DNAH11: variants seen among roughly 807,000 people sequenced by gnomAD.
DNAH11 encodes the protein axonemal beta dynein heavy chain 11.
A neutral mutation model predicts 526.0 loss-of-function variants in DNAH11; 442 were observed. The observed-to-expected ratio is 0.84, with a 90% confidence interval of 0.78 to 0.91. The LOEUF (loss-of-function observed/expected upper bound fraction) is 0.91. DNAH11 is among the 40% of genes least tolerant of loss of function. The probability of loss-of-function intolerance (pLI) is 0.00; values close to 1 mark genes in which losing one functional copy is unlikely to be tolerated. For missense variants in DNAH11, 6,989 were observed against 5,448.7 expected, an observed-to-expected ratio of 1.28 and a Z score of -8.90; for synonymous variants, 2,461 against 1,935.9, an observed-to-expected ratio of 1.27 and a Z score of -7.12.
chr7:21,810,742 G>T (rs1789480254), intron 63 of DNAH11, among the ~76,000 whole-genome samples: 1 of 152,096 alleles, frequency 6.6e-6, no homozygotes, highest in African/African-American at 2.4e-5. Flanking sequence ...AGGTTTATAG[G>T]CAGGTAAGCC....
At chr7:21,884,837 A>G (rs185322040) in intron 76 of DNAH11, among the ~76,000 whole-genome samples, 1 of 152,280 alleles carries the variant, frequency 6.6e-6, no homozygotes, top group East Asian at 1.9e-4. Flanking sequence ...TCTATTCCAG[A>G]GTTTATTTCA....
chr7:21,549,492 A>G (rs2128427007), intron 2 of DNAH11, among the ~76,000 whole-genome samples: 1 of 152,268 alleles, frequency 6.6e-6, no homozygotes, highest in African/African-American at 2.4e-5. Context: ...AGTCCCAGGC[A>G]AATGGGGGGG....
chr7:21,712,414 T>C (rs973347563), intron 42 of DNAH11, among the ~76,000 whole-genome samples: 1 of 152,196 alleles, frequency 6.6e-6, no homozygotes, highest in Non-Finnish European at 1.5e-5. Context: ...TTCTAGATCA[T>C]ATGTTAATTC....
chr7:21,625,077 T>G (rs1452357760), intron 25 of DNAH11, among the ~76,000 whole-genome samples: 2 of 115,960 alleles, frequency 1.7e-5, no homozygotes, highest in African/African-American at 3.3e-5. Context: ...TATTTCTCCT[T>G]AAGTTTTTTT....
chr7:21,600,921 C>G lies in DNAH11; in HGVS notation c.3246C>G (p.Phe1082Leu). 6.2e-7 allele frequency: 1 copy of G among 1,613,632 alleles called. No individual in the cohort carries two copies. Residue 1082 changes from phenylalanine (F) to leucine (L), a missense_variant, in exon 16 of 82, where the codon TTC becomes TTG. Transcript: ENST00000409508. ...IPEQPPTLEQ[F>L]KEQIDIYEAL... is the part of the protein sequence containing the mutation. ...AACAACCACCAACTCTTGAGCAATT[C>G]AAAGAACAGGCAAGGAAAACCCTTA...
chr7:21,790,625 T>C (rs28611316), intron 61 of DNAH11, among the ~76,000 whole-genome samples: 21,588 of 152,050 alleles, frequency 0.14, 2,435 homozygotes, highest in African/African-American at 0.31. Context: ...GAGGAAGTTC[T>C]TTAGTGAAGG....
At chr7:21,854,792 C>T (rs1489635820) in intron 68 of DNAH11, among the ~76,000 whole-genome samples, 2 of 152,132 alleles carry the variant, frequency 1.3e-5, no homozygotes, top group East Asian at 3.9e-4. Context: ...ATCTCCCCTC[C>T]TTGGCCTCCC....
Position 21,884,484 on chromosome 7 carries a change from A to G in DNAH11, c.12507+74A>G, listed in dbSNP as rs577576164. Reference sequence around the variant, plus strand: ...ATTCTGGTAAGAATTTTATAAACTAATTATACTATGGGCAATTCTTAATGT... The same window carrying G: ...ATTCTGGTAAGAATTTTATAAACTAGTTATACTATGGGCAATTCTTAATGT... On this transcript the variant is annotated intron_variant, in intron 76 of 81. Transcript: ENST00000409508. 8.5e-6 allele frequency: 12 copies of G among 1,417,186 alleles called. No homozygotes were observed. In the South Asian group the frequency reaches 1.2e-4, roughly 14 times the overall value. The allele number at this position is 1,417,186 out of a possible 1,614,324, so 87.8% of individuals were successfully genotyped here.
intron 36 of DNAH11, among the ~76,000 whole-genome samples, chr7:21,699,360 T>A (rs1783973107): frequency 6.6e-6 from 1 of 152,180 alleles, no homozygotes; most frequent in African/African-American, 2.4e-5. Flanking sequence ...CCACAGAAAT[T>A]ACATATATAT....
rs749371323 is a variant in DNAH11, at chr7:21,570,101, G to T, written c.1227G>T (p.Leu409Phe). The T allele has an allele frequency of 6.2e-7, 1 of 1,611,580 alleles. No homozygotes were observed. The highest frequency in any genetic ancestry group is 1.7e-4 in the Middle Eastern group (1 of 6,058). Residue 409 changes from leucine to phenylalanine, a missense_variant, in exon 7 of 82, where the codon TTG becomes TTT. Transcript: ENST00000409508. ...CTTACCTTTCACCTGAGGACCTTTT[G>T]AGGGGAGAAATAGAAGAGTCACTGG... ...ATAYLSPEDL[L>F]RGEIEESLEK...
intron 6 of DNAH11, among the ~76,000 whole-genome samples, chr7:21,568,209 G>A (rs1321783556): frequency 6.6e-6 from 1 of 152,158 alleles, no homozygotes; most frequent in East Asian, 1.9e-4. Context: ...CAGTGTTTTA[G>A]TTTATAAGAC....
intron 30 of DNAH11, among the ~76,000 whole-genome samples, chr7:21,676,248 C>G (rs1480652735): frequency 6.6e-6 from 1 of 152,092 alleles, no homozygotes; most frequent in Non-Finnish European, 1.5e-5. Flanking sequence ...TTCAAAGGGG[C>G]GTAGGTAGAC....
chr7:21,694,389 C>G (rs1037365636), intron 35 of DNAH11, among the ~76,000 whole-genome samples: 1 of 152,076 alleles, frequency 6.6e-6, no homozygotes, highest in African/African-American at 2.4e-5. Context: ...GTGATGTTCC[C>G]CTCCCTGCGT....
At chr7:21,809,872 G>T (rs1342904577) in intron 63 of DNAH11, among the ~76,000 whole-genome samples, 1 of 152,136 alleles carries the variant, frequency 6.6e-6, no homozygotes, top group East Asian at 1.9e-4. Flanking sequence ...GGCCTGATTT[G>T]ATTTTTGCAT....
intron 30 of DNAH11, among the ~76,000 whole-genome samples, chr7:21,678,124 C>G (rs1432241644): frequency 6.8e-6 from 1 of 148,128 alleles, no homozygotes; most frequent in Non-Finnish European, 1.5e-5. Flanking sequence ...TTTTTGGTGT[C>G]AAGTCCAAAA....
chr7:21,836,600 G>T (rs1782006108), intron 65 of DNAH11, among the ~76,000 whole-genome samples: 1 of 152,078 alleles, frequency 6.6e-6, no homozygotes. Context: ...ACTCAAAGTA[G>T]ATGAAAGACT....
intron 65 of DNAH11, among the ~76,000 whole-genome samples, chr7:21,839,334 G>A (rs1782114845): frequency 6.6e-6 from 1 of 152,076 alleles, no homozygotes; most frequent in Non-Finnish European, 1.5e-5. Context: ...CAGCACTTTG[G>A]TAGGCTGAGG....
intron 28 of DNAH11, among the ~76,000 whole-genome samples, chr7:21,651,053 G>T (rs1781740059): frequency 6.6e-6 from 1 of 151,600 alleles, no homozygotes; most frequent in African/African-American, 2.4e-5. Context: ...TCTCATTCTA[G>T]AGAATATCAT....
At chr7:21,861,430 C>T (rs1044399346) in intron 68 of DNAH11, among the ~76,000 whole-genome samples, 1 of 152,194 alleles carries the variant, frequency 6.6e-6, no homozygotes, top group African/African-American at 2.4e-5. Flanking sequence ...AATTTATGTT[C>T]ATGAGAAAAA....
Sources: gnomAD v4.1 joint callset for allele counts (sites outside exome capture counted in the v4.1 genomes callset) on GRCh38, gnomAD v4.1.1 for gene constraint, MANE v1.5 for transcripts, NCBI Gene and HGNC (gene_info 2026-07-23, HGNC 2026-07-21) for gene names.